Variants in ZFP1 observed in about 807,000 individuals in gnomAD.
ZFP1 encodes the protein zinc finger protein 1 homolog.
Under a neutral mutation model 38.5 loss-of-function variants are expected in ZFP1, and 32 were observed. That is an observed-to-expected ratio of 0.83 (90% CI 0.63 to 1.12). The LOEUF (loss-of-function observed/expected upper bound fraction) is 1.12. ZFP1 is among the 50% of genes most tolerant of loss of function. The pLI, the probability that ZFP1 is intolerant of heterozygous loss-of-function variation, is 0.00. For missense variants in ZFP1, 616 were observed against 480.8 expected, an observed-to-expected ratio of 1.28 and a Z score of -2.63; for synonymous variants, 245 against 168.8, an observed-to-expected ratio of 1.45 and a Z score of -3.50.
intron 2 of ZFP1, chr16:75,166,506 G>C (rs2038090742): frequency 1.4e-5 from 14 of 982,404 alleles, no homozygotes; most frequent in Non-Finnish European, 1.6e-5. Flanking sequence ...TGGGATTACA[G>C]GTGTGAGCCA....
chr16:75,151,383 T>A (rs190456644), intron 1 of ZFP1, among the ~76,000 whole-genome samples: 1 of 152,160 alleles, frequency 6.6e-6, no homozygotes, highest in Non-Finnish European at 1.5e-5. Context: ...ATCTTGCTGG[T>A]TTTTTTCTGT....
chr16:75,145,643 A>T (rs1464255619), upstream of ZFP1, among the ~76,000 whole-genome samples: 17 of 152,184 alleles, frequency 1.1e-4, no homozygotes, highest in Non-Finnish European at 2.4e-4. Context: ...GAGAAGAAGC[A>T]ATTGAGCATT....
chr16:75,157,905 C>T (rs530263009), intron 2 of ZFP1, among the ~76,000 whole-genome samples: 3 of 151,896 alleles, frequency 2.0e-5, no homozygotes, highest in African/African-American at 7.3e-5. Context: ...AAGTGATCCT[C>T]CCAGTATTTG....
intron 2 of ZFP1, among the ~76,000 whole-genome samples, chr16:75,160,060 G>T (rs1436918959): frequency 6.6e-6 from 1 of 151,314 alleles, no homozygotes; most frequent in Non-Finnish European, 1.5e-5. Context: ...GCCACTAGTT[G>T]TCTTGGAGGC....
chr16:75,170,731 T>C lies in ZFP1; in HGVS notation c.*397T>C, dbSNP rs2145592642. 1 of 162,498 alleles carries C rather than the reference T, an allele frequency of 6.2e-6. No homozygotes were observed. Among genetic ancestry groups the C allele is most frequent in the Non-Finnish European group, 1.3e-5 (1 of 74,868 alleles). 10.1% of individuals were successfully genotyped at this position (162,498 alleles called of 1,614,324 possible). ...GCACATGTGAATTTAGCATAATCAC[T>C]GGGAATTTGAAATTCTTGTCCTCTG... is the stretch of plus-strand genomic sequence containing the variant. On this transcript the variant is annotated 3_prime_UTR_variant, in exon 4 of 4. Transcript: ENST00000570010.
the ZFP1 span, among the ~76,000 whole-genome samples, chr16:75,130,406 G>A: frequency 1.3e-5 from 2 of 152,122 alleles, no homozygotes; most frequent in Admixed American, 1.3e-4. Flanking sequence ...GCCTGCTAGC[G>A]CTTGGGAGGG....
chr16:75,134,474 G>C, the ZFP1 span, among the ~76,000 whole-genome samples: 1 of 151,754 alleles, frequency 6.6e-6, no homozygotes, highest in Non-Finnish European at 1.5e-5. Context: ...AGCCAGGCCT[G>C]GGCTGGGCGC....
chr16:75,140,268 C>G, the ZFP1 span, among the ~76,000 whole-genome samples: 2 of 145,574 alleles, frequency 1.4e-5, no homozygotes, highest in South Asian at 4.4e-4. Context: ...AACTCCATCT[C>G]AAAAAAAAAA....
the ZFP1 span, among the ~76,000 whole-genome samples, chr16:75,138,024 CTTTTTTTTTTT>C: frequency 6.2e-5 from 4 of 64,934 alleles, no homozygotes; most frequent in South Asian, 6.8e-4. Flanking sequence ...CTCCCACTTC[CTTTTTTTTTTT>C]TTTTTTTTTT....
chr16:75,141,755 A>G, the ZFP1 span, among the ~76,000 whole-genome samples: 3 of 147,932 alleles, frequency 2.0e-5, no homozygotes, highest in Non-Finnish European at 4.5e-5. Context: ...AAAAAAAAAA[A>G]GAGAGAAAAA....
Position 75,169,341 on chromosome 16 carries a change from C to T in ZFP1, c.231C>T (p.Thr77=), listed in dbSNP as rs535947576. Residue 77 remains threonine (T), a synonymous_variant, in exon 4 of 4, where the codon ACC becomes ACT. Coordinates refer to ENST00000570010, the MANE Select transcript of ZFP1 (RefSeq NM_153688.4). ...AATTTTTAATTCTTAAGAACCAAAC[C>T]CCAATTGAGGAAAGAGGCGATCTCT... ...ARQFLILKNQ[T]PIEERGDLFG... 6.8e-6 allele frequency: 11 copies of T among 1,613,950 alleles called. No individual in the cohort carries two copies. Among genetic ancestry groups the T allele is most frequent in the Non-Finnish European group, 9.3e-6 (11 of 1,180,004 alleles).
At chr16:75,142,967 G>T in the ZFP1 span, among the ~76,000 whole-genome samples, 1 of 152,164 alleles carries the variant, frequency 6.6e-6, no homozygotes, top group Non-Finnish European at 1.5e-5. Context: ...CTCCCAAAGT[G>T]CTGGGATTAC....
the ZFP1 span, among the ~76,000 whole-genome samples, chr16:75,119,043 G>A: frequency 7.9e-5 from 12 of 152,272 alleles, no homozygotes; most frequent in East Asian, 1.2e-3. Context: ...GTTGAGTGAC[G>A]TCTCAAGTCT....
intron 1 of ZFP1, among the ~76,000 whole-genome samples, chr16:75,152,295 C>A (rs2037244682): frequency 1.3e-5 from 2 of 152,098 alleles, no homozygotes. Context: ...TCTTCAAATA[C>A]TTCTTTTCTC....
At chr16:75,127,071 G>A in the ZFP1 span, among the ~76,000 whole-genome samples, 1 of 152,182 alleles carries the variant, frequency 6.6e-6, no homozygotes, top group African/African-American at 2.4e-5. Context: ...ATTATTGTGT[G>A]CTGCAGAAGT....
the ZFP1 span, among the ~76,000 whole-genome samples, chr16:75,135,331 AG>A: frequency 1.3e-5 from 2 of 152,116 alleles, no homozygotes; most frequent in Non-Finnish European, 2.9e-5. Context: ...AAGACAAAGA[AG>A]AACCTTAACA....
chr16:75,124,580 G>A, the ZFP1 span, among the ~76,000 whole-genome samples: 11 of 150,082 alleles, frequency 7.3e-5, no homozygotes, highest in South Asian at 2.1e-4. Flanking sequence ...TCAGGAGATC[G>A]AGACCATCCT....
In ZFP1 at chr16:75,169,705, C is replaced by G. The variant is rs1318962703; in HGVS notation, c.595C>G (p.Leu199Val). The stretch of plus-strand genomic sequence containing the variant: ...CAAGGCTTTCTCCTTTAAGTCACTC[C>G]TCATTAGTCATAAGAGAATACATAC... Reference protein sequence around the residue: ...CDKAFSFKSLLISHKRIHTGE... With the variant: ...CDKAFSFKSLVISHKRIHTGE... Residue 199 changes from leucine to valine, a missense_variant, in exon 4 of 4, where the codon CTC becomes GTC. Transcript: ENST00000570010. The G allele has an allele frequency of 6.2e-7, 1 of 1,612,698 alleles. No homozygotes were observed. Among genetic ancestry groups the G allele is most frequent in the Admixed American group, 1.7e-5 (1 of 59,692 alleles).
At chr16:75,133,116 T>G in the ZFP1 span, among the ~76,000 whole-genome samples, 1 of 151,838 alleles carries the variant, frequency 6.6e-6, no homozygotes, top group African/African-American at 2.4e-5. Context: ...TAGCTGGGAT[T>G]ACAGGTGCAT....
Sources: gnomAD v4.1 joint callset for allele counts (sites outside exome capture counted in the v4.1 genomes callset) on GRCh38, gnomAD v4.1.1 for gene constraint, MANE v1.5 for transcripts, NCBI Gene and HGNC (gene_info 2026-07-23, HGNC 2026-07-21) for gene names.